The following EXOC6B variants were observed in gnomAD, a reference collection of about 807,000 sequenced individuals.
The protein encoded by EXOC6B is exocyst complex component 6B.
A neutral mutation model predicts 113.5 loss-of-function variants in EXOC6B; 54 were observed. The ratio of observed to expected loss-of-function variants is 0.48; its 90% CI spans 0.38 to 0.60. The LOEUF (loss-of-function observed/expected upper bound fraction) is 0.60, where lower values mean the gene tolerates loss of function less well. Among genes scored for constraint, EXOC6B ranks in the 20% least tolerant of loss-of-function variants. The probability of loss-of-function intolerance (pLI) is 0.00; values close to 1 mark genes in which losing one functional copy is unlikely to be tolerated. For synonymous variants in EXOC6B, 357 were observed against 339.0 expected (o/e 1.05, Z -0.58); for missense variants, 797 against 977.5 (o/e 0.82, Z 2.46).
intron 17 of EXOC6B, among the ~76,000 whole-genome samples, chr2:72,478,629 G>A (rs1698891831): frequency 6.6e-6 from 1 of 152,144 alleles, no homozygotes; most frequent in Admixed American, 6.6e-5. Context: ...CAGCCCCTAT[G>A]GCTTCCTGTC....
chr2:72,749,172 T>C (rs1681883443), intron 1 of EXOC6B, among the ~76,000 whole-genome samples: 1 of 152,070 alleles, frequency 6.6e-6, no homozygotes, highest in Non-Finnish European at 1.5e-5. Context: ...AGATAAGATA[T>C]AAAAAAGTAC....
intron 1 of EXOC6B, among the ~76,000 whole-genome samples, chr2:72,794,337 T>G (rs920022086): frequency 6.6e-6 from 1 of 152,200 alleles, no homozygotes; most frequent in Non-Finnish European, 1.5e-5. Flanking sequence ...ACTGCCTAAC[T>G]TTAGGGTGAC....
intron 8 of EXOC6B, among the ~76,000 whole-genome samples, chr2:72,529,953 A>G (rs750286283): frequency 2.0e-5 from 3 of 152,088 alleles, no homozygotes; most frequent in African/African-American, 7.2e-5. Context: ...TTCCATATCA[A>G]TAGTGTCTCT....
chr2:72,715,997 A>G (rs570036743), intron 6 of EXOC6B, among the ~76,000 whole-genome samples: 148 of 152,352 alleles, frequency 9.7e-4, no homozygotes, highest in African/African-American at 3.6e-3. Context: ...TGTGCCAGAT[A>G]CTAGCTATTA....
At chr2:72,615,947 T>C (rs968851771) in intron 6 of EXOC6B, among the ~76,000 whole-genome samples, 7 of 152,140 alleles carry the variant, frequency 4.6e-5, no homozygotes, top group African/African-American at 1.7e-4. Flanking sequence ...CTAATATACA[T>C]GTTTGTGTCT....
intron 19 of EXOC6B, among the ~76,000 whole-genome samples, chr2:72,376,121 T>C (rs1449536602): frequency 1.3e-5 from 2 of 151,918 alleles, no homozygotes; most frequent in Admixed American, 6.6e-5. Flanking sequence ...AAAAAAAAAA[T>C]GTGTTAAGGA....
At chr2:72,201,386 G>T (rs1412182712) in intron 20 of EXOC6B, among the ~76,000 whole-genome samples, 5 of 152,050 alleles carry the variant, frequency 3.3e-5, no homozygotes, top group Non-Finnish European at 7.4e-5. Context: ...AGGTGAGTAT[G>T]GTGAGAAGGG....
chr2:72,346,401 C>G (rs1260047887), intron 19 of EXOC6B, among the ~76,000 whole-genome samples: 1 of 152,102 alleles, frequency 6.6e-6, no homozygotes, highest in East Asian at 1.9e-4. Context: ...TTAATGACAA[C>G]ATACATTTAC....
chr2:72,357,548 A>T (rs1159444728), intron 19 of EXOC6B, among the ~76,000 whole-genome samples: 1 of 152,056 alleles, frequency 6.6e-6, no homozygotes, highest in African/African-American at 2.4e-5. Flanking sequence ...AAAATTAGCC[A>T]GGCGTTGGTG....
At position 72,575,550 on chromosome 2, in the gene EXOC6B, G is replaced by C. The variant is rs758788765; in HGVS notation, c.788C>G (p.Pro263Arg). The stretch of plus-strand genomic sequence containing the variant: ...AATTCCTGAATCCTGTTCAGACTTC[G>C]GACTAGTACTTTCTATCTCTGTATC... ...IFDTEIESTSPKSEQDSGILD... is the reference protein window; with the variant it reads ...IFDTEIESTSRKSEQDSGILD... Residue 263 changes from proline to arginine, a missense_variant, in exon 7 of 22, where the codon CCG becomes CGG. By Grantham distance (103) the Pro-to-Arg change is moderately radical. Transcript: ENST00000272427. The C allele has an allele frequency of 7.5e-6, 12 of 1,610,142 alleles. No homozygotes were observed. In the East Asian group the frequency reaches 2.5e-4, roughly 33 times the overall value.
intron 18 of EXOC6B, among the ~76,000 whole-genome samples, chr2:72,413,297 C>G (rs79369502): frequency 1.3e-5 from 2 of 151,994 alleles, no homozygotes; most frequent in Non-Finnish European, 2.9e-5. Context: ...CCACAATTAC[C>G]TGGAGGAGTT....
chr2:72,538,998 T>G (rs1173443558), intron 8 of EXOC6B, among the ~76,000 whole-genome samples: 1 of 152,064 alleles, frequency 6.6e-6, no homozygotes, highest in Non-Finnish European at 1.5e-5. Context: ...GCCAGTGAAA[T>G]ACATATAACA....
intron 8 of EXOC6B, among the ~76,000 whole-genome samples, chr2:72,545,297 A>G (rs1266711168): frequency 6.6e-6 from 1 of 152,056 alleles, no homozygotes; most frequent in Non-Finnish European, 1.5e-5. Context: ...TTGCCAATCA[A>G]TTTTCTTCAT....
At chr2:72,427,114 G>A (rs955426618) in intron 18 of EXOC6B, among the ~76,000 whole-genome samples, 14 of 152,224 alleles carry the variant, frequency 9.2e-5, no homozygotes, top group African/African-American at 3.4e-4. Flanking sequence ...CACAGAGCCC[G>A]CAGCAGCCAG....
chr2:72,201,725 A>G (rs1227523882), intron 20 of EXOC6B, among the ~76,000 whole-genome samples: 1 of 152,212 alleles, frequency 6.6e-6, no homozygotes, highest in East Asian at 1.9e-4. Flanking sequence ...TTGGGAATGG[A>G]TCAGCAAGTC....
rs556319770 is a variant in EXOC6B at position 72,180,079 on chromosome 2, G to T, written c.2310-618C>A. Among the ~76,000 whole-genome samples the T allele has an allele frequency of 5.3e-5, 8 of 152,310 alleles. No homozygotes were observed. The East Asian group carries it at 1.5e-3, about 29-fold the overall frequency. On this transcript the variant is annotated intron_variant, in intron 21 of 21. Coordinates refer to ENST00000272427, the MANE Select transcript of EXOC6B (RefSeq NM_015189.3). ...CACATAGGTGGTGTGGTGGCTAAGA[G>T]AGTAGAGTGCTGAGGAAAGCATGGG...
At chr2:72,646,647 T>C (rs576768043) in intron 6 of EXOC6B, among the ~76,000 whole-genome samples, 46 of 152,236 alleles carry the variant, frequency 3.0e-4, no homozygotes, top group Non-Finnish European at 5.4e-4. Context: ...TGGTTCAACA[T>C]ACGCAAATCA....
intron 20 of EXOC6B, among the ~76,000 whole-genome samples, chr2:72,274,650 T>C (rs1321977555): frequency 6.6e-6 from 1 of 152,172 alleles, no homozygotes; most frequent in African/African-American, 2.4e-5. Flanking sequence ...CAGCGTCACT[T>C]ATACACATAA....
intron 1 of EXOC6B, among the ~76,000 whole-genome samples, chr2:72,803,704 CA>C (rs1685424754): frequency 6.6e-6 from 1 of 152,130 alleles, no homozygotes; most frequent in Non-Finnish European, 1.5e-5. Flanking sequence ...AAAGAGTTCT[CA>C]TTTAGTTTTG....
Sources: gnomAD v4.1 joint callset for allele counts (sites outside exome capture counted in the v4.1 genomes callset) on GRCh38, gnomAD v4.1.1 for gene constraint, MANE v1.5 for transcripts, NCBI Gene and HGNC (gene_info 2026-07-23, HGNC 2026-07-21) for gene names.